ZMAT1: variants seen among roughly 807,000 people sequenced by gnomAD.
The protein encoded by ZMAT1 is zinc finger matrin-type protein 1.
In ZMAT1, 11 loss-of-function variants were observed where a neutral mutation model predicts 18.5. The ratio of observed to expected loss-of-function variants is 0.59; its 90% CI spans 0.37 to 0.98. The LOEUF is 0.98. Ranked by LOEUF, ZMAT1 falls within the 50% of genes least tolerant of loss-of-function variation. The pLI, the probability that ZMAT1 is intolerant of heterozygous loss-of-function variation, is 0.01. For missense variants in ZMAT1, 525 were observed against 496.2 expected (o/e 1.06, Z -0.55); for synonymous variants, 211 against 176.4 (o/e 1.20, Z -1.55).
intron 4 of ZMAT1, 90 bp from the exon 5 acceptor site, chrX:101,886,821 G>A (rs5944778): frequency 0.4 from 250,977 of 633,482 alleles, 39,246 homozygotes; most frequent in African/African-American, 0.6. Context: ...ATTTATTAGA[G>A]ACCATCTACT....
At chrX:101,892,794 G>GA (rs1475131581) in intron 4 of ZMAT1, 1 of 665,527 alleles carries the variant, frequency 1.5e-6, no homozygotes, top group Non-Finnish European at 1.8e-6. Flanking sequence ...GAATGATGAA[G>GA]AAAAAGAGAA....
chrX:101,929,472 G>C (rs1310384561), intron 1 of ZMAT1, among the ~76,000 whole-genome samples: 27 of 97,346 alleles, frequency 2.8e-4, no homozygotes, highest in African/African-American at 9.1e-4. Context: ...CAGAGAGAGA[G>C]AGAGAGAGAG....
At chrX:101,921,517 A>G in intron 1 of ZMAT1, among the ~76,000 whole-genome samples, 1 of 111,992 alleles carries the variant, frequency 8.9e-6, no homozygotes, top group Non-Finnish European at 1.9e-5. Flanking sequence ...CTCATAAGGT[A>G]TAACCTAAAC....
chrX:101,931,652 G>A (rs943785279), intron 1 of ZMAT1, 65 bp downstream of exon 1: 29 of 745,623 alleles, frequency 3.9e-5, no homozygotes, highest in Non-Finnish European at 4.4e-5. Flanking sequence ...GCCCAATCTC[G>A]GACGGGCTGA....
chrX:101,921,286 T>C lies in ZMAT1; in HGVS notation c.292+10431A>G, dbSNP rs765049828. Among the ~76,000 whole-genome samples, 40 of 112,109 alleles carry C rather than the reference T, an allele frequency of 3.6e-4. 1 individual carries two copies. Among genetic ancestry groups the C allele is most frequent in the African/African-American group, 1.3e-3 (39 of 30,927 alleles). On this transcript the variant is annotated intron_variant, in intron 1 of 5. Coordinates refer to ENST00000651725, the MANE Select transcript of ZMAT1 (RefSeq NM_001394560.1). The stretch of plus-strand genomic sequence containing the variant: ...TCTCTGAGAGCGGTTCCCAGTCATA[T>C]TTTATTATTTGTTTTGTTTCTTAAA...
chrX:101,923,910 A>G (rs1413665612), intron 1 of ZMAT1, among the ~76,000 whole-genome samples: 1 of 111,630 alleles, frequency 9.0e-6, no homozygotes, highest in Non-Finnish European at 1.9e-5. Flanking sequence ...AACATACTAA[A>G]TATTGTGAAG....
chrX:101,929,417 G>GATTATATATATATATTCTATATAT (rs1333708989), intron 1 of ZMAT1, among the ~76,000 whole-genome samples: 6 of 36,918 alleles, frequency 1.6e-4, no homozygotes, highest in Admixed American at 7.8e-4. Context: ...TATATATAGA[G>GATTATATATATATATTCTATATAT]AGAGATTATA....
intron 4 of ZMAT1, among the ~76,000 whole-genome samples, chrX:101,896,336 A>G (rs1464802441): frequency 8.9e-6 from 1 of 111,868 alleles, no homozygotes; most frequent in Non-Finnish European, 1.9e-5. Flanking sequence ...ATGTTCCTAC[A>G]ATTCCAGTAT....
chrX:101,916,411 A>T (rs1372048111), intron 1 of ZMAT1, among the ~76,000 whole-genome samples: 1 of 112,097 alleles, frequency 8.9e-6, no homozygotes, highest in Non-Finnish European at 1.9e-5. Flanking sequence ...AATTTAAAAA[A>T]TTTAAAAAAT....
At position 101,931,825 on chromosome X, in the gene ZMAT1, C is replaced by CGGCAGGCG. The variant is rs1428090506; in HGVS notation, c.176_183dup (p.Gly62ArgfsTer31). 2 of 783,449 alleles carry CGGCAGGCG rather than the reference C, an allele frequency of 2.6e-6. No homozygotes were observed. Among genetic ancestry groups the CGGCAGGCG allele is most frequent in the Admixed American group, 8.6e-5 (1 of 11,662 alleles). The allele number at this position is 783,449 out of a possible 1,213,427, so 64.6% of individuals were successfully genotyped here. A position where few individuals can be genotyped will look rare whatever the true frequency, so the allele number is the denominator to read the frequency against. On this transcript the variant is annotated frameshift_variant, in exon 1 of 6. Coordinates refer to ENST00000651725, the MANE Select transcript of ZMAT1 (RefSeq NM_001394560.1). LOFTEE classifies it high-confidence loss of function. ...CCGCCGCCGCCGTCGCCACAGCCAC[C>CGGCAGGCG]GGCAGGCGGGCAGGCAGGGGCGGAG...
At chrX:101,894,666 TA>T (rs1415977086) in intron 4 of ZMAT1, 3 of 656,104 alleles carry the variant, frequency 4.6e-6, no homozygotes, top group East Asian at 3.3e-4. Flanking sequence ...AGGTAATGAA[TA>T]AAAAAAGAGC....
At chrX:101,931,601 G>A (rs1395999383) in intron 1 of ZMAT1, 116 bp downstream of exon 1, 84 of 581,161 alleles carry the variant, frequency 1.4e-4, no homozygotes, top group Non-Finnish European at 1.6e-4. Flanking sequence ...CCTTTACTGC[G>A]CCACGGCAGG....
chrX:101,930,393 A>G (rs1930405420), intron 1 of ZMAT1, among the ~76,000 whole-genome samples: 1 of 112,622 alleles, frequency 8.9e-6, no homozygotes, highest in Non-Finnish European at 1.9e-5. Flanking sequence ...GTTGATAAAT[A>G]AAACATTACA....
At chrX:101,908,948 G>A (rs948508273) in intron 1 of ZMAT1, among the ~76,000 whole-genome samples, 7 of 109,704 alleles carry the variant, frequency 6.4e-5, no homozygotes, top group African/African-American at 2.3e-4. Context: ...AGCCAAGGAA[G>A]GACTGAAATC....
chrX:101,915,677 T>A (rs1461286361), intron 1 of ZMAT1: 1 of 112,225 alleles, frequency 8.9e-6, no homozygotes, highest in African/African-American at 3.2e-5. Flanking sequence ...CACAAATTCA[T>A]GAAGCATTCC....
intron 2 of ZMAT1, among the ~76,000 whole-genome samples, chrX:101,902,770 T>C (rs1254426686): frequency 4.5e-5 from 5 of 111,922 alleles, no homozygotes; most frequent in African/African-American, 1.3e-4. Flanking sequence ...CAAAAGTGTA[T>C]AGAATGGTTT....
chrX:101,899,023 A>G (rs1374495615), intron 2 of ZMAT1, among the ~76,000 whole-genome samples: 7 of 110,816 alleles, frequency 6.3e-5, no homozygotes, highest in Admixed American at 1.9e-4. Context: ...ACTCCAGCCT[A>G]GGCGACAGAG....
At chrX:101,912,963 A>G (rs1322851039) in intron 1 of ZMAT1, among the ~76,000 whole-genome samples, 1 of 111,834 alleles carries the variant, frequency 8.9e-6, no homozygotes, top group African/African-American at 3.2e-5. Context: ...TTTTACAAAA[A>G]GGGAGATTTT....
At chrX:101,915,085 A>G (rs867676687) in intron 1 of ZMAT1, among the ~76,000 whole-genome samples, 2 of 94,975 alleles carry the variant, frequency 2.1e-5, no homozygotes, top group East Asian at 6.4e-4. Context: ...ATTAAAAACC[A>G]TATGATCATT....
Sources: allele counts gnomAD v4.1 joint callset (sites outside exome capture counted in the v4.1 genomes callset), GRCh38; gene constraint gnomAD v4.1.1; transcripts MANE v1.5; gene names NCBI Gene and HGNC (gene_info 2026-07-23, HGNC 2026-07-21).